ZFP64: variants seen among roughly 807,000 people sequenced by gnomAD.
The protein encoded by ZFP64 is ZFP64 zinc finger protein.
Under a neutral mutation model 51.6 loss-of-function variants are expected in ZFP64, and 14 were observed. That is an observed-to-expected ratio of 0.27 (90% CI 0.18 to 0.42). ZFP64 has a LOEUF of 0.42. Among genes scored for constraint, ZFP64 ranks in the 10% least tolerant of loss-of-function variants. ZFP64 has a pLI of 1.00. For synonymous variants in ZFP64, 375 were observed against 361.4 expected (o/e 1.04, Z -0.43); for missense variants, 754 against 906.8 (o/e 0.83, Z 2.16).
intron 1 of ZFP64, among the ~76,000 whole-genome samples, chr20:52,189,879 T>C (rs1291099498): frequency 1.3e-5 from 2 of 152,214 alleles, no homozygotes; most frequent in Non-Finnish European, 2.9e-5. Flanking sequence ...CCATGCGTCA[T>C]AATCTTCTCA....
In ZFP64 at chr20:52,114,261, G is replaced by A. The variant is rs144688239; in HGVS notation, c.764-15674C>T. Among the ~76,000 whole-genome samples the A allele has an allele frequency of 3.4e-3, 517 of 152,352 alleles. 1 individual carries two copies. The highest frequency in any genetic ancestry group is 5.0e-3 in the Non-Finnish European group (340 of 68,038). The stretch of plus-strand genomic sequence containing the variant: ...TTAAACACACACACATGCTGAGCGT[G>A]AGCCAGCTATTCCATGCCTATGCTG... On this transcript the variant is annotated intron_variant, in intron 5 of 8. Transcript: ENST00000361387.
chr20:52,153,186 C>T lies in ZFP64; in HGVS notation c.1006G>A (p.Val336Met), dbSNP rs115314727. 454 of 1,614,162 alleles carry T rather than the reference C, an allele frequency of 2.8e-4. 3 individuals carry two copies. The African/African-American group carries it at 5.4e-3, about 19-fold the overall frequency. Residue 336 changes from valine to methionine, a missense_variant, in exon 6 of 6, where the codon GTG becomes ATG. By Grantham distance (21) the Val-to-Met change is conservative. This residue lies in a region of ZFP64 where 428 missense variants were observed against 472.4 expected (regional missense o/e 0.91). Coordinates refer to ENST00000216923, the MANE Select transcript of ZFP64 (RefSeq NM_018197.3). The surrounding 1 kb of genome is among the most constrained non-coding windows in gnomAD (Gnocchi z 5.1). ...TTCTCAGGATGCTCCGACTGGTGCA[C>T]GCGGCTGTGCTTCCGGAGGGTGGCT... ...SKATLRKHSR[V>M]HQSEHPEKCS...
intron 5 of ZFP64, among the ~76,000 whole-genome samples, chr20:52,137,271 C>T (rs1378873598): frequency 6.6e-6 from 1 of 152,170 alleles, no homozygotes; most frequent in Admixed American, 6.5e-5. Context: ...GTTCTCTCCA[C>T]CTGACTGGCT....
At position 52,092,407 on chromosome 20, in the gene ZFP64, C is replaced by T. The variant is rs6096741; in HGVS notation, c.977-3764G>A. ...AATCATACCTAGTTGAAAACCATTCCAATAGACTTTGGAAAAGCAGAAGGG... is the reference window on the plus strand; with the variant it reads ...AATCATACCTAGTTGAAAACCATTCTAATAGACTTTGGAAAAGCAGAAGGG... On this transcript the variant is annotated intron_variant, in intron 7 of 8. Transcript: ENST00000361387. Among the ~76,000 whole-genome samples, 680 of 152,220 alleles carry T rather than the reference C, an allele frequency of 4.5e-3. 4 individuals are homozygous for T. The highest frequency in any genetic ancestry group is 0.016 in the African/African-American group (647 of 41,522).
intron 5 of ZFP64, chr20:52,105,110 G>A (rs1273159219): frequency 7.2e-7 from 1 of 1,398,428 alleles, no homozygotes; most frequent in Non-Finnish European, 9.2e-7. Context: ...CCCCCGGGCG[G>A]GGCTCCAGCG....
intron 6 of ZFP64, chr20:52,098,425 G>T (rs1170806200): frequency 6.2e-7 from 1 of 1,613,704 alleles, no homozygotes; most frequent in Admixed American, 1.7e-5. Context: ...AGCACGCAGG[G>T]TTTTACTCTT....
At chr20:52,176,253 T>C (rs1646478306) in intron 2 of ZFP64, among the ~76,000 whole-genome samples, 1 of 152,072 alleles carries the variant, frequency 6.6e-6, no homozygotes, top group African/African-American at 2.4e-5. Context: ...GCCCAATCTC[T>C]TAAAAAAACC....
At chr20:52,146,676 A>G (rs1980545463), downstream of ZFP64, among the ~76,000 whole-genome samples, 1 of 152,120 alleles carries the variant, frequency 6.6e-6, no homozygotes, top group South Asian at 2.1e-4. Flanking sequence ...ACGTGTATAC[A>G]TATGTAACTA....
rs1260643997 is a variant in ZFP64, at chr20:52,085,603, T to C, written c.1229-337A>G. On this transcript the variant is annotated intron_variant, in intron 8 of 8. Transcript: ENST00000361387. The surrounding 1 kb of genome is among the most constrained non-coding windows in gnomAD (Gnocchi z 4.3). Reference sequence around the variant, plus strand: ...CTTCAGTTTCAAATCTAAACTCCCATTTAACTTGACATCCCAGAATTGAAT... The same window carrying C: ...CTTCAGTTTCAAATCTAAACTCCCACTTAACTTGACATCCCAGAATTGAAT... Among the ~76,000 whole-genome samples the C allele has an allele frequency of 6.6e-6, 1 of 152,166 alleles. No individual in the cohort carries two copies. The highest frequency in any genetic ancestry group is 2.4e-5 in the African/African-American group (1 of 41,428).
At chr20:52,097,535 AC>A in intron 6 of ZFP64, 1 of 1,075,296 alleles carries the variant, frequency 9.3e-7, no homozygotes, top group African/African-American at 1.6e-5. Context: ...GCTCACTGCA[AC>A]CTCCGCCTCC....
intron 5 of ZFP64, among the ~76,000 whole-genome samples, chr20:52,113,422 CTTTTTTTTTTTTT>C (rs936439409): frequency 1.0e-5 from 1 of 96,526 alleles, no homozygotes; most frequent in Non-Finnish European, 2.0e-5. Context: ...GCCAGGAATT[CTTTTTTTTTTTTT>C]TTTTTTTTTT....
intron 5 of ZFP64, among the ~76,000 whole-genome samples, chr20:52,115,408 A>G (rs1978812136): frequency 6.7e-6 from 1 of 148,742 alleles, no homozygotes; most frequent in African/African-American, 2.5e-5. Context: ...CATGCTCGCT[A>G]CAGCTTTTTT....
intron 5 of ZFP64, among the ~76,000 whole-genome samples, chr20:52,155,848 G>C (rs182418855): frequency 6.6e-6 from 1 of 152,240 alleles, no homozygotes; most frequent in East Asian, 1.9e-4. Context: ...TCCTCCTTGA[G>C]TTTGGGTTGC....
At chr20:52,099,005 C>CAAAAAAAAA (rs58670484) in intron 5 of ZFP64, among the ~76,000 whole-genome samples, 2 of 116,658 alleles carry the variant, frequency 1.7e-5, no homozygotes, top group African/African-American at 6.4e-5. Context: ...CTGTCTTTAC[C>CAAAAAAAAA]AAAAAAAAAA....
intron 5 of ZFP64, among the ~76,000 whole-genome samples, chr20:52,099,800 A>G (rs1487121738): frequency 1.3e-5 from 2 of 152,242 alleles, no homozygotes; most frequent in Admixed American, 6.5e-5. Flanking sequence ...ATGAGAATTC[A>G]CTATAGTCTA....
chr20:52,098,166 T>C (rs1416027575), intron 6 of ZFP64, among the ~76,000 whole-genome samples: 1 of 100,404 alleles, frequency 1.0e-5, no homozygotes, highest in Admixed American at 1.2e-4. Flanking sequence ...AGAGTGAAAC[T>C]GTCTCCAAAA....
chr20:52,166,718 A>G (rs569155758), intron 2 of ZFP64, among the ~76,000 whole-genome samples: 26 of 152,240 alleles, frequency 1.7e-4, no homozygotes, highest in African/African-American at 6.3e-4. Context: ...TGCCTCCCAC[A>G]TTGTTAACTA....
intron 2 of ZFP64, among the ~76,000 whole-genome samples, chr20:52,171,809 G>A (rs6021777): frequency 0.024 from 3,588 of 151,382 alleles, 128 homozygotes; most frequent in African/African-American, 0.084. Context: ...GTGCAATGGC[G>A]TGATCTCGGC....
chr20:52,086,279 C>T lies in ZFP64; in HGVS notation c.1229-1013G>A, dbSNP rs114876259. 9.5e-3 allele frequency among the ~76,000 whole-genome samples: 1,439 copies of T among 152,266 alleles called. 17 individuals are homozygous for T. The highest frequency in any genetic ancestry group is 0.033 in the African/African-American group (1,364 of 41,540). On this transcript the variant is annotated intron_variant, in intron 8 of 8. Transcript: ENST00000361387. ...AAACACTGCACCAGGATTACAATCA[C>T]TTCCTTATAAGTCTGCTGTCACACT...
Sources: gnomAD v4.1 joint callset for allele counts (sites outside exome capture counted in the v4.1 genomes callset) on GRCh38, gnomAD v4.1.1 for gene constraint, gnomAD v4.1.1 regional missense constraint, Gnocchi (gnomAD v3.1) non-coding constraint, MANE v1.5 for transcripts, NCBI Gene and HGNC (gene_info 2026-07-23, HGNC 2026-07-21) for gene names.